NEBL: variants seen among roughly 807,000 people sequenced by gnomAD.
NEBL encodes the protein nebulette.
In NEBL, 122 loss-of-function variants were observed where a neutral mutation model predicts 140.2. That is an observed-to-expected ratio of 0.87 (90% CI 0.75 to 1.01). The LOEUF (loss-of-function observed/expected upper bound fraction) is 1.01, where lower values mean the gene tolerates loss of function less well. Among genes scored for constraint, NEBL ranks in the 50% least tolerant of loss-of-function variants. NEBL has a pLI of 0.00. For missense variants in NEBL, 1,365 were observed against 1,231.3 expected, an observed-to-expected ratio of 1.11 and a Z score of -1.62; for synonymous variants, 436 against 398.9, an observed-to-expected ratio of 1.09 and a Z score of -1.11.
At chr10:21,263,403 C>A (rs781406822) in intron 1 of NEBL, among the ~76,000 whole-genome samples, 9 of 150,496 alleles carry the variant, frequency 6.0e-5, no homozygotes, top group Non-Finnish European at 1.0e-4. Flanking sequence ...GGAAAGGGGG[C>A]GGGGGGTTGA....
intron 27 of NEBL, among the ~76,000 whole-genome samples, chr10:20,786,489 T>C (rs947729244): frequency 2.0e-5 from 3 of 152,244 alleles, no homozygotes; most frequent in Non-Finnish European, 1.5e-5. Context: ...ATTATGATTA[T>C]AATGAGTTTT....
intron 4 of NEBL, among the ~76,000 whole-genome samples, chr10:20,883,448 A>G (rs765331820): frequency 3.3e-5 from 5 of 152,228 alleles, no homozygotes; most frequent in Non-Finnish European, 5.9e-5. Flanking sequence ...AATTATGTTA[A>G]GCAGGAAACC....
chr10:21,182,720 G>T (rs961605320), intron 3 of NEBL, among the ~76,000 whole-genome samples: 23 of 152,154 alleles, frequency 1.5e-4, no homozygotes, highest in Non-Finnish European at 2.8e-4. Flanking sequence ...AGCCACATGT[G>T]TAATTTTAAA....
chr10:20,788,173 T>G lies in NEBL; in HGVS notation c.2762-865A>C, dbSNP rs1332384693. Among the ~76,000 whole-genome samples the G allele has an allele frequency of 3.3e-5, 5 of 152,186 alleles. 1 individual carries two copies. Among genetic ancestry groups the G allele is most frequent in the African/African-American group, 1.2e-4 (5 of 41,452 alleles). On this transcript the variant is annotated intron_variant, in intron 26 of 27. Coordinates refer to ENST00000377122, the MANE Select transcript of NEBL (RefSeq NM_006393.3). ...AGACATATGCTTGTGTGTTTCTCTG[T>G]GAATGTGTTTAAGTTATCTGTGACC...
intron 3 of NEBL, among the ~76,000 whole-genome samples, chr10:21,196,966 T>A (rs549715970): frequency 3.0e-4 from 46 of 152,354 alleles, no homozygotes; most frequent in African/African-American, 9.6e-4. Context: ...AGTGCGAATT[T>A]TTTTTCTCGG....
chr10:21,121,095 A>G (rs1838551512), intron 2 of NEBL, among the ~76,000 whole-genome samples: 1 of 152,138 alleles, frequency 6.6e-6, no homozygotes, highest in Non-Finnish European at 1.5e-5. Flanking sequence ...ATCAATTCTA[A>G]AGTATGTTTG....
chr10:21,039,717 T>C (rs922908375), intron 2 of NEBL, among the ~76,000 whole-genome samples: 1 of 152,202 alleles, frequency 6.6e-6, no homozygotes, highest in African/African-American at 2.4e-5. Flanking sequence ...GCATATAAAA[T>C]GCAAGCTTCG....
At chr10:21,232,183 A>C (rs1184535700) in intron 3 of NEBL, among the ~76,000 whole-genome samples, 1 of 152,002 alleles carries the variant, frequency 6.6e-6, no homozygotes, top group Non-Finnish European at 1.5e-5. Flanking sequence ...AGGAGGCAAG[A>C]AGAAGCATAG....
chr10:21,198,004 C>A (rs1257736178), intron 3 of NEBL, among the ~76,000 whole-genome samples: 1 of 152,026 alleles, frequency 6.6e-6, no homozygotes, highest in African/African-American at 2.4e-5. Flanking sequence ...CCCTCAGCCA[C>A]CCTGCAATCA....
intron 3 of NEBL, among the ~76,000 whole-genome samples, chr10:21,215,091 G>A (rs768797880): frequency 9.2e-5 from 14 of 152,222 alleles, no homozygotes; most frequent in African/African-American, 2.6e-4. Context: ...AGATTAGAGC[G>A]AAATAACTAA....
chr10:20,837,302 T>C (rs747174855), intron 13 of NEBL, among the ~76,000 whole-genome samples: 2 of 152,196 alleles, frequency 1.3e-5, no homozygotes, highest in Admixed American at 6.5e-5. Flanking sequence ...AACAACCCTA[T>C]TGCTGATATA....
At position 20,897,257 on chromosome 10, in the gene NEBL, T is replaced by C. The variant is rs751181016; in HGVS notation, c.-52A>G. 1.3e-6 allele frequency: 2 copies of C among 1,530,666 alleles called. No individual in the cohort carries two copies. Among genetic ancestry groups the C allele is most frequent in the Non-Finnish European group, 1.7e-6 (2 of 1,143,854 alleles). The allele number at this position is 1,530,666 out of a possible 1,614,324, so 94.8% of individuals were successfully genotyped here. A position where few individuals can be genotyped will look rare whatever the true frequency, so the allele number is the denominator to read the frequency against. On this transcript the variant is annotated 5_prime_UTR_variant, in exon 1 of 28. Transcript: ENST00000377122. Reference sequence around the variant, plus strand: ...TTAAAATTTACTCATGTGGCGTCCTTTTCCATACCACAGTGCCCTTGAGAT... The same window carrying C: ...TTAAAATTTACTCATGTGGCGTCCTCTTCCATACCACAGTGCCCTTGAGAT...
chr10:21,030,413 ACACT>A, intron 2 of NEBL: 1 of 619,796 alleles, frequency 1.6e-6, no homozygotes, highest in South Asian at 1.5e-5. Context: ...AGAAAATGAA[ACACT>A]CAGTAAGGAG....
intron 4 of NEBL, among the ~76,000 whole-genome samples, chr10:20,883,102 G>T (rs1375551121): frequency 6.6e-6 from 1 of 152,096 alleles, no homozygotes; most frequent in African/African-American, 2.4e-5. Context: ...CTTTCTTAAG[G>T]TGCTCACAAT....
intron 5 of NEBL, among the ~76,000 whole-genome samples, chr10:20,879,960 TACTG>T (rs1361239717): frequency 6.6e-6 from 1 of 152,244 alleles, no homozygotes; most frequent in East Asian, 1.9e-4. Flanking sequence ...ACTGATTTTC[TACTG>T]ACTGACTTCC....
chr10:21,242,124 C>G (rs1303958388), intron 3 of NEBL, among the ~76,000 whole-genome samples: 5 of 152,072 alleles, frequency 3.3e-5, no homozygotes, highest in Non-Finnish European at 5.9e-5. Flanking sequence ...ATCACTTGAG[C>G]CTGGGAGGCA....
At chr10:21,161,623 C>T (rs140348868) in intron 2 of NEBL, among the ~76,000 whole-genome samples, 2 of 152,226 alleles carry the variant, frequency 1.3e-5, no homozygotes, top group African/African-American at 2.4e-5. Context: ...AGTGACCCCC[C>T]ACCCCCTGTT....
At chr10:21,105,709 G>T (rs1385441952) in intron 2 of NEBL, among the ~76,000 whole-genome samples, 1 of 152,142 alleles carries the variant, frequency 6.6e-6, no homozygotes, top group Non-Finnish European at 1.5e-5. Context: ...CCCAATAAGG[G>T]GATCACTGGG....
At chr10:20,793,400 A>G (rs1836189266) in intron 26 of NEBL, 1 of 959,398 alleles carries the variant, frequency 1.0e-6, no homozygotes, top group Non-Finnish European at 1.2e-6. Context: ...ACAGGAGATT[A>G]AGGACTGAGG....
Sources: gnomAD v4.1 joint callset for allele counts (sites outside exome capture counted in the v4.1 genomes callset) on GRCh38, gnomAD v4.1.1 for gene constraint, MANE v1.5 for transcripts, NCBI Gene and HGNC (gene_info 2026-07-23, HGNC 2026-07-21) for gene names.